Variants in NCKAP5L observed in about 807,000 individuals in gnomAD.
NCKAP5L encodes NCK associated protein 5 like, also known as nck-associated protein 5-like.
NCKAP5L carries 54 observed loss-of-function variants against 103.2 expected under a neutral mutation model. The ratio of observed to expected loss-of-function variants is 0.52; its 90% CI spans 0.42 to 0.66. The LOEUF (loss-of-function observed/expected upper bound fraction) is 0.66. NCKAP5L is among the 30% of genes least tolerant of loss of function. The pLI is 0.00. For synonymous variants in NCKAP5L, 762 were observed against 748.6 expected (o/e 1.02, Z -0.29); for missense variants, 1,733 against 1,750.6 (o/e 0.99, Z 0.18).
chr12:49,792,535 T>C lies in NCKAP5L; in HGVS notation c.3703A>G (p.Thr1235Ala), dbSNP rs1289159989. 1 of 1,613,256 alleles carries C rather than the reference T, an allele frequency of 6.2e-7. No homozygotes were observed. Among genetic ancestry groups the C allele is most frequent in the East Asian group, 2.2e-5 (1 of 44,814 alleles). Reference sequence around the variant, plus strand: ...CCGGCTGCCCTAGTATTGGGGAAGGTCCAGTTCTTGGCCAGCTGGACAGGA... The same window carrying C: ...CCGGCTGCCCTAGTATTGGGGAAGGCCCAGTTCTTGGCCAGCTGGACAGGA... ...TPPVQLAKNW[T>A]FPNTRAAGSS... The change falls in exon 12 of 13, where the codon ACC becomes GCC. Residue 1235 changes from threonine (T) to alanine (A), a missense_variant. Transcript: ENST00000335999. This position sits in a 1 kb window ranked among gnomAD's most constrained non-coding sequence, Gnocchi z 4.5.
At chr12:49,813,780 G>A (rs1447140517) in intron 1 of NCKAP5L, among the ~76,000 whole-genome samples, 6 of 151,918 alleles carry the variant, frequency 3.9e-5, no homozygotes, top group Non-Finnish European at 7.4e-5. Context: ...TGCCCGCCTC[G>A]GCCTTCCAAA....
chr12:49,794,702 G>T, intron 8 of NCKAP5L, 63 bp downstream of exon 8: 1 of 1,290,790 alleles, frequency 7.7e-7, no homozygotes, highest in Non-Finnish European at 1.0e-6. Flanking sequence ...ACGCAGGTGT[G>T]CCCACGAAGG....
chr12:49,810,400 T>C (rs984269471), intron 1 of NCKAP5L, among the ~76,000 whole-genome samples: 3 of 152,178 alleles, frequency 2.0e-5, no homozygotes, highest in Non-Finnish European at 4.4e-5. Context: ...AATTAACTTA[T>C]GTGCTGTGTG....
intron 6 of NCKAP5L, 27 bp from the exon 7 acceptor site, chr12:49,798,490 C>T (rs1190540019): frequency 4.6e-6 from 7 of 1,533,904 alleles, no homozygotes; most frequent in Admixed American, 3.9e-5. Context: ...AGAGTTAGCA[C>T]AGTAGCTGTC....
chr12:49,815,813 C>T (rs1946289460), intron 1 of NCKAP5L, among the ~76,000 whole-genome samples: 2 of 152,152 alleles, frequency 1.3e-5, no homozygotes, highest in African/African-American at 4.8e-5. Flanking sequence ...TTTTTAAGCA[C>T]TCTCTTGCCA....
intron 1 of NCKAP5L, among the ~76,000 whole-genome samples, chr12:49,825,199 G>A (rs1175034949): frequency 2.0e-5 from 3 of 152,166 alleles, no homozygotes; most frequent in Non-Finnish European, 4.4e-5. Context: ...TGATGTAGTG[G>A]CAGATCCCAG....
intron 1 of NCKAP5L, among the ~76,000 whole-genome samples, chr12:49,806,431 A>G (rs1184870167): frequency 1.3e-5 from 2 of 152,276 alleles, no homozygotes; most frequent in Non-Finnish European, 2.9e-5. Context: ...AACAATGTTA[A>G]ATGCTATTAT....
chr12:49,802,023 C>T, intron 5 of NCKAP5L, 56 bp from the exon 6 acceptor site: 1 of 1,600,886 alleles, frequency 6.2e-7, no homozygotes, highest in Non-Finnish European at 8.5e-7. Context: ...GGGAGAGTGT[C>T]ACAGTGCTCT....
intron 8 of NCKAP5L, among the ~76,000 whole-genome samples, 153 bp downstream of exon 8, chr12:49,794,612 C>A (rs1313365491): frequency 2.0e-5 from 3 of 150,392 alleles, no homozygotes; most frequent in Non-Finnish European, 4.4e-5. Context: ...CTGACCCCCC[C>A]ACCAGCTGCT....
intron 1 of NCKAP5L, 127 bp from the exon 2 acceptor site, chr12:49,806,168 G>A (rs536440105): frequency 3.3e-5 from 5 of 152,356 alleles, no homozygotes; most frequent in Admixed American, 2.0e-4. Context: ...TCTATTGGAC[G>A]AGGCCGACAA....
chr12:49,826,402 CAGG>C (rs1468241153), intron 1 of NCKAP5L, among the ~76,000 whole-genome samples: 1 of 152,194 alleles, frequency 6.6e-6, no homozygotes, highest in African/African-American at 2.4e-5. Context: ...CCAGCAGGAG[CAGG>C]AGTTCATATC....
chr12:49,820,961 C>T (rs975181991), intron 1 of NCKAP5L, among the ~76,000 whole-genome samples: 16 of 152,158 alleles, frequency 1.1e-4, no homozygotes, highest in African/African-American at 3.9e-4. Flanking sequence ...GACTCTGACT[C>T]CTCTCCCCTG....
intron 6 of NCKAP5L, among the ~76,000 whole-genome samples, chr12:49,799,893 C>T (rs753664376): frequency 8.5e-5 from 13 of 152,190 alleles, no homozygotes; most frequent in Non-Finnish European, 1.5e-4. Context: ...GTCCCCATTC[C>T]ACTCTTAAAA....
At chr12:49,806,337 A>G (rs1946179516) in intron 1 of NCKAP5L, among the ~76,000 whole-genome samples, 1 of 152,270 alleles carries the variant, frequency 6.6e-6, no homozygotes, top group Non-Finnish European at 1.5e-5. Context: ...CAGACAACAG[A>G]GGAGACTGAA....
In NCKAP5L at chr12:49,794,821, GC is replaced by G; in HGVS notation, c.3038del (p.Gly1013AlafsTer18). 1 of 1,544,046 alleles carries G rather than the reference GC, an allele frequency of 6.5e-7. No individual in the cohort carries two copies. ...CACCTTGGTACATGCCAGCCAGCTG[GC>G]CCTGCACCTGCCCCAGCCCCGTGTT... is the stretch of plus-strand genomic sequence containing the variant. ...GPNTGLGQVQ[G>X]QLAGMYQGAD... On this transcript the variant is annotated frameshift_variant, in exon 8 of 13. Coordinates refer to ENST00000335999, the MANE Select transcript of NCKAP5L (RefSeq NM_001037806.4). LOFTEE classifies it high-confidence loss of function.
At position 49,801,868 on chromosome 12, in the gene NCKAP5L, T is replaced by G. The variant is rs770179365; in HGVS notation, c.331A>C (p.Thr111Pro). ...SALFQQKLQL[T>P]TGSLPQIPLT... ...CCTACCTGAGGGAGCGAGCCTGTCGTGAGCTGGAGTTTCTGCTGAAACAGG... is the reference window on the plus strand; with the variant it reads ...CCTACCTGAGGGAGCGAGCCTGTCGGGAGCTGGAGTTTCTGCTGAAACAGG... Residue 111 changes from threonine to proline, a missense_variant, in exon 6 of 13, where the codon ACG (threonine) becomes CCG (proline). By Grantham distance (38) the Thr-to-Pro change is conservative. Coordinates refer to ENST00000335999, the MANE Select transcript of NCKAP5L (RefSeq NM_001037806.4). 11 of 1,613,888 alleles carry G rather than the reference T, an allele frequency of 6.8e-6. No homozygotes were observed. In the African/African-American group the frequency reaches 1.3e-4, roughly 20 times the overall value.
At chr12:49,811,687 T>C (rs985110357) in intron 1 of NCKAP5L, among the ~76,000 whole-genome samples, 2 of 152,008 alleles carry the variant, frequency 1.3e-5, no homozygotes, top group South Asian at 2.1e-4. Context: ...GGTGGGAGGA[T>C]CACTTGAGGG....
chr12:49,793,997 G>A, intron 8 of NCKAP5L, 101 bp from the exon 9 acceptor site: 1 of 1,089,474 alleles, frequency 9.2e-7, no homozygotes, highest in South Asian at 2.4e-5. Flanking sequence ...GGCACTTCCT[G>A]CCATCCACCC....
chr12:49,792,068 A>G lies in NCKAP5L; in HGVS notation c.3793-17T>C. On this transcript the variant is annotated splice_polypyrimidine_tract_variant and intron_variant, in intron 12 of 12. Coordinates refer to ENST00000335999, the MANE Select transcript of NCKAP5L (RefSeq NM_001037806.4). The surrounding 1 kb of genome is among the most constrained non-coding windows in gnomAD (Gnocchi z 4.5). ...GGGCAGGGCCTGGGAAAGGAGGGGC[A>G]GCTCGGGAGGAAGCTCCTCTCCACC... 3 of 1,512,562 alleles carry G rather than the reference A, an allele frequency of 2.0e-6. No individual in the cohort carries two copies. Among genetic ancestry groups the G allele is most frequent in the Non-Finnish European group, 2.6e-6 (3 of 1,135,712 alleles). 93.7% of individuals were successfully genotyped at this position (1,512,562 alleles called of 1,614,324 possible).
Sources: allele counts gnomAD v4.1 joint callset (sites outside exome capture counted in the v4.1 genomes callset), GRCh38; gene constraint gnomAD v4.1.1; non-coding constraint Gnocchi (gnomAD v3.1); transcripts MANE v1.5; gene names NCBI Gene and HGNC (gene_info 2026-07-23, HGNC 2026-07-21).